Variants in NKAIN3 observed in about 807,000 individuals in gnomAD.
NKAIN3 encodes the protein sodium/potassium-transporting ATPase subunit beta-1-interacting protein 3.
In NKAIN3, 25 loss-of-function variants were observed where a neutral mutation model predicts 30.2. That is an observed-to-expected ratio of 0.83 (90% CI 0.60 to 1.16). The LOEUF (loss-of-function observed/expected upper bound fraction) is 1.16. Ranked by LOEUF, NKAIN3 falls within the 50% of genes most tolerant of loss-of-function variation. The pLI, the probability that NKAIN3 is intolerant of heterozygous loss-of-function variation, is 0.00. For synonymous variants in NKAIN3, 91 were observed against 89.6 expected (o/e 1.02, Z -0.09); for missense variants, 225 against 254.1 (o/e 0.89, Z 0.78).
intron 3 of NKAIN3, among the ~76,000 whole-genome samples, chr8:62,713,964 T>C (rs1396737914): frequency 6.6e-6 from 1 of 152,176 alleles, no homozygotes; most frequent in African/African-American, 2.4e-5. Context: ...AGATTCAATT[T>C]ATCCAGATAG....
intron 3 of NKAIN3, among the ~76,000 whole-genome samples, chr8:62,682,698 T>C (rs983743227): frequency 2.6e-5 from 4 of 152,076 alleles, no homozygotes; most frequent in African/African-American, 9.7e-5. Context: ...GGGTGATGCC[T>C]GTAACTGCCA....
At chr8:62,465,159 G>T (rs894611379) in intron 1 of NKAIN3, among the ~76,000 whole-genome samples, 2 of 152,120 alleles carry the variant, frequency 1.3e-5, no homozygotes, top group Non-Finnish European at 2.9e-5. Context: ...ATAAAATCCA[G>T]AATTCTAAGT....
chr8:62,962,979 C>T (rs191385367), intron 6 of NKAIN3, among the ~76,000 whole-genome samples: 1,749 of 152,194 alleles, frequency 0.011, 27 homozygotes, highest in Middle Eastern at 0.024. Flanking sequence ...GCAACGTCCA[C>T]CTCCCAGGTT....
At chr8:62,543,166 G>A (rs1808897404) in intron 1 of NKAIN3, among the ~76,000 whole-genome samples, 1 of 152,084 alleles carries the variant, frequency 6.6e-6, no homozygotes, top group Admixed American at 6.6e-5. Context: ...ATATATTAAA[G>A]GATTCAGGCA....
intron 5 of NKAIN3, among the ~76,000 whole-genome samples, chr8:62,938,485 C>A (rs900295305): frequency 6.6e-6 from 1 of 152,104 alleles, no homozygotes; most frequent in Non-Finnish European, 1.5e-5. Flanking sequence ...CAAAGTCTCA[C>A]ACAGAGTCCA....
At position 62,863,640 on chromosome 8, in the gene NKAIN3, C is replaced by A. The variant is rs73258792; in HGVS notation, c.472-54813C>A. ...TGGATCACCATGTCTTTGTTTGGGT[C>A]ACTGGGATAACTTTCTCGAACACAT... is the stretch of plus-strand genomic sequence containing the variant. On this transcript the variant is annotated intron_variant, in intron 4 of 6. Transcript: ENST00000623646. 0.011 allele frequency: 13,208 copies of A among 1,253,246 alleles called. 1,085 individuals are homozygous for A. In the African/African-American group the frequency reaches 0.17, roughly 17 times the overall value. 77.6% of individuals were successfully genotyped at this position (1,253,246 alleles called of 1,614,324 possible).
chr8:62,638,007 T>C (rs953615915), intron 3 of NKAIN3, among the ~76,000 whole-genome samples: 2 of 152,162 alleles, frequency 1.3e-5, no homozygotes, highest in Non-Finnish European at 2.9e-5. Context: ...GGCTTTAATA[T>C]TCTAAAGCTG....
At chr8:62,896,156 G>T (rs78332577) in intron 4 of NKAIN3, among the ~76,000 whole-genome samples, 6 of 152,136 alleles carry the variant, frequency 3.9e-5, no homozygotes, top group African/African-American at 1.4e-4. Flanking sequence ...AGTCAGGCTC[G>T]GGTGAGGGCC....
At chr8:62,652,284 C>A (rs1352931693) in intron 3 of NKAIN3, among the ~76,000 whole-genome samples, 1 of 152,124 alleles carries the variant, frequency 6.6e-6, no homozygotes, top group African/African-American at 2.4e-5. Context: ...TCATTCAACA[C>A]TTTATGTGAT....
At chr8:62,673,425 C>T (rs1466086967) in intron 3 of NKAIN3, among the ~76,000 whole-genome samples, 1 of 152,138 alleles carries the variant, frequency 6.6e-6, no homozygotes, top group East Asian at 1.9e-4. Context: ...ACCAAGGGTA[C>T]AATCTTTATG....
At chr8:62,367,526 T>C (rs1451942893) in intron 1 of NKAIN3, among the ~76,000 whole-genome samples, 1 of 152,190 alleles carries the variant, frequency 6.6e-6, no homozygotes, top group Non-Finnish European at 1.5e-5. Context: ...AACATTCATT[T>C]ATGATAAAAA....
chr8:62,638,112 G>A (rs1378800426), intron 3 of NKAIN3, among the ~76,000 whole-genome samples: 1 of 152,088 alleles, frequency 6.6e-6, no homozygotes, highest in Non-Finnish European at 1.5e-5. Flanking sequence ...AGTGTTCCTA[G>A]TATGTTTGAC....
chr8:62,485,187 C>T (rs1273144535), intron 1 of NKAIN3, among the ~76,000 whole-genome samples: 1 of 151,898 alleles, frequency 6.6e-6, no homozygotes. Flanking sequence ...GTCCTCACAG[C>T]ATCACAATGA....
chr8:62,285,210 T>C (rs1179609848), intron 1 of NKAIN3, among the ~76,000 whole-genome samples: 1 of 152,184 alleles, frequency 6.6e-6, no homozygotes, highest in Non-Finnish European at 1.5e-5. Context: ...AAATGGAGAA[T>C]GTATGTGTTC....
At chr8:62,824,200 T>A (rs1274429807) in intron 4 of NKAIN3, among the ~76,000 whole-genome samples, 3 of 152,160 alleles carry the variant, frequency 2.0e-5, no homozygotes, top group African/African-American at 7.2e-5. Context: ...TTTCTTCAGC[T>A]GAGAGTAATT....
chr8:62,657,612 T>C (rs752617214), intron 3 of NKAIN3, among the ~76,000 whole-genome samples: 5 of 152,164 alleles, frequency 3.3e-5, no homozygotes, highest in Non-Finnish European at 7.3e-5. Context: ...AAAGGCTGGG[T>C]CTTTTTGTTG....
intron 1 of NKAIN3, among the ~76,000 whole-genome samples, chr8:62,377,891 G>A (rs1817144540): frequency 6.6e-6 from 1 of 152,142 alleles, no homozygotes; most frequent in Non-Finnish European, 1.5e-5. Flanking sequence ...ATAGTGATGT[G>A]AGAATGGACT....
intron 1 of NKAIN3, among the ~76,000 whole-genome samples, chr8:62,351,500 A>T (rs987782522): frequency 6.7e-5 from 10 of 149,308 alleles, no homozygotes; most frequent in African/African-American, 2.0e-4. Context: ...ATTATAATAT[A>T]TAAAATAAAT....
At chr8:62,583,064 A>C (rs758689304) in intron 2 of NKAIN3, among the ~76,000 whole-genome samples, 4 of 151,950 alleles carry the variant, frequency 2.6e-5, no homozygotes, top group Non-Finnish European at 5.9e-5. Context: ...CTGCTCCTTC[A>C]CCTCTAGAGT....
Sources: gnomAD v4.1 joint callset for allele counts (sites outside exome capture counted in the v4.1 genomes callset) on GRCh38, gnomAD v4.1.1 for gene constraint, MANE v1.5 for transcripts, NCBI Gene and HGNC (gene_info 2026-07-23, HGNC 2026-07-21) for gene names.